The following ANKS1B variants were observed in gnomAD, a reference collection of about 807,000 sequenced individuals.
The protein encoded by ANKS1B is ankyrin repeat and sterile alpha motif domain-containing protein 1B.
In ANKS1B, 36 loss-of-function variants were observed where a neutral mutation model predicts 148.3. The observed-to-expected ratio is 0.24, with a 90% CI of 0.19 to 0.32. The LOEUF (loss-of-function observed/expected upper bound fraction) is 0.32, where lower values mean the gene tolerates loss of function less well. Ranked by LOEUF, ANKS1B falls within the 10% of genes least tolerant of loss-of-function variation. The probability of loss-of-function intolerance (pLI) is 1.00; values close to 1 mark genes in which losing one functional copy is unlikely to be tolerated. For synonymous variants in ANKS1B, 542 were observed against 560.8 expected (o/e 0.97, Z 0.47); for missense variants, 1,157 against 1,542.6 (o/e 0.75, Z 4.19).
chr12:99,749,296 T>A (rs2060884785), intron 8 of ANKS1B, among the ~76,000 whole-genome samples: 1 of 152,052 alleles, frequency 6.6e-6, no homozygotes, highest in African/African-American at 2.4e-5. Context: ...AAAGAAGCGC[T>A]TTTGGCCAGG....
chr12:99,356,763 G>A (rs1448555148), intron 12 of ANKS1B, among the ~76,000 whole-genome samples: 1 of 152,060 alleles, frequency 6.6e-6, no homozygotes. Flanking sequence ...TTAAACATGA[G>A]TTCCCTTTAA....
At position 98,829,698 on chromosome 12, in the gene ANKS1B, G is replaced by A. The variant is rs138795693; in HGVS notation, c.2887-345C>T. On this transcript the variant is annotated intron_variant, in intron 18 of 26. Coordinates refer to ENST00000683438, the MANE Select transcript of ANKS1B (RefSeq NM_001352186.2). This position sits in a 1 kb window ranked among gnomAD's most constrained non-coding sequence, Gnocchi z 5.2. ...AACTGGGCCCTCATGTGGGCAGAGCGTCCTCACCATGGTAGATGCCATGAT... is the reference window on the plus strand; with the variant it reads ...AACTGGGCCCTCATGTGGGCAGAGCATCCTCACCATGGTAGATGCCATGAT... Among the ~76,000 whole-genome samples, 31 of 152,278 alleles carry A rather than the reference G, an allele frequency of 2.0e-4. No individual in the cohort carries two copies. The highest frequency in any genetic ancestry group is 7.0e-4 in the African/African-American group (29 of 41,546).
intron 14 of ANKS1B, among the ~76,000 whole-genome samples, chr12:99,217,467 C>T (rs1443488433): frequency 6.6e-6 from 1 of 152,076 alleles, no homozygotes; most frequent in Non-Finnish European, 1.5e-5. Flanking sequence ...CCTGGATGTT[C>T]CATTATGTTT....
At chr12:99,074,760 AG>A (rs1177515216) in intron 16 of ANKS1B, among the ~76,000 whole-genome samples, 2 of 152,200 alleles carry the variant, frequency 1.3e-5, no homozygotes, top group Non-Finnish European at 2.9e-5. Context: ...AATATCTTTG[AG>A]CATCCTAACC....
At chr12:98,948,983 T>C (rs1284631892) in intron 17 of ANKS1B, among the ~76,000 whole-genome samples, 2 of 136,320 alleles carry the variant, frequency 1.5e-5, no homozygotes, top group Non-Finnish European at 3.1e-5. Context: ...GATGGAGTCT[T>C]GCTCTGTCGC....
At chr12:99,090,022 A>C (rs2053493737) in intron 15 of ANKS1B, among the ~76,000 whole-genome samples, 1 of 152,198 alleles carries the variant, frequency 6.6e-6, no homozygotes, top group African/African-American at 2.4e-5. Context: ...CATGGAATGG[A>C]AAAAGTCACC....
intron 9 of ANKS1B, among the ~76,000 whole-genome samples, chr12:99,569,642 G>A (rs1267927290): frequency 6.6e-6 from 1 of 152,142 alleles, no homozygotes; most frequent in Non-Finnish European, 1.5e-5. Context: ...GCTGCTAATG[G>A]AAAGCTCTTT....
At chr12:99,685,590 G>C (rs756485838) in intron 8 of ANKS1B, among the ~76,000 whole-genome samples, 3 of 152,014 alleles carry the variant, frequency 2.0e-5, no homozygotes, top group African/African-American at 7.2e-5. Context: ...TATCTACCCC[G>C]TGAAAAAGAA....
chr12:99,228,603 T>C (rs2153948812), intron 14 of ANKS1B, among the ~76,000 whole-genome samples: 1 of 152,126 alleles, frequency 6.6e-6, no homozygotes, highest in Non-Finnish European at 1.5e-5. Flanking sequence ...ATTGCAAAAC[T>C]TTTATCCATA....
intron 11 of ANKS1B, among the ~76,000 whole-genome samples, chr12:99,418,347 A>C (rs2094970239): frequency 6.6e-6 from 1 of 152,232 alleles, no homozygotes; most frequent in South Asian, 2.1e-4. Context: ...TAAAAGTGTT[A>C]GATTTATATC....
At chr12:99,631,278 CTGTTA>C (rs1460578300) in intron 9 of ANKS1B, among the ~76,000 whole-genome samples, 4 of 152,172 alleles carry the variant, frequency 2.6e-5, no homozygotes, top group African/African-American at 7.2e-5. Flanking sequence ...TTCAGGTATT[CTGTTA>C]TAAGTAACAG....
rs138892275 is a variant in ANKS1B at position 99,336,124 on chromosome 12, T to G, written c.1756+63507A>C. ...GCATATCTCTGATAACCAATAACGT[T>G]GAGAGCACCTTTTCTTATACCTCTC... On this transcript the variant is annotated intron_variant, in intron 12 of 26. Transcript: ENST00000683438. 2.0e-5 allele frequency among the ~76,000 whole-genome samples: 3 copies of G among 152,280 alleles called. No individual in the cohort carries two copies. In the East Asian group the frequency reaches 5.8e-4, roughly 29 times the overall value.
chr12:99,424,700 C>T (rs961445818), intron 11 of ANKS1B, among the ~76,000 whole-genome samples: 4 of 151,546 alleles, frequency 2.6e-5, no homozygotes, highest in African/African-American at 9.7e-5. Flanking sequence ...ATCTATCTGT[C>T]ATCTATCTGT....
chr12:98,900,057 T>G (rs1248272773), intron 17 of ANKS1B, among the ~76,000 whole-genome samples: 2 of 152,210 alleles, frequency 1.3e-5, no homozygotes, highest in Admixed American at 1.3e-4. Flanking sequence ...GCAAATTCAG[T>G]ATGAGGCCAG....
At position 99,494,732 on chromosome 12, in the gene ANKS1B, C is replaced by CAAAAAA. The variant is rs59115173; in HGVS notation, c.1438+9738_1438+9743dup. On this transcript the variant is annotated intron_variant, in intron 10 of 26. Transcript: ENST00000683438. The stretch of plus-strand genomic sequence containing the variant: ...TAGGTGACAGAGGGACACTCTGTCT[C>CAAAAAA]AAAAAAAAAAAAAAAAAAAAAAAGG... Among the ~76,000 whole-genome samples the CAAAAAA allele has an allele frequency of 2.1e-3, 116 of 55,952 alleles. 1 individual carries two copies. Among genetic ancestry groups the CAAAAAA allele is most frequent in the Non-Finnish European group, 2.5e-3 (78 of 31,494 alleles). The allele number at this position is 55,952 out of a possible 152,430, so 36.7% of individuals were successfully genotyped here.
intron 9 of ANKS1B, among the ~76,000 whole-genome samples, chr12:99,645,266 T>C (rs940870065): frequency 1.3e-5 from 2 of 152,196 alleles, no homozygotes; most frequent in Admixed American, 1.3e-4. Context: ...ATTTCAAACG[T>C]TGGTTCTTTT....
chr12:99,964,380 C>A (rs2095458335), intron 1 of ANKS1B, among the ~76,000 whole-genome samples: 1 of 152,242 alleles, frequency 6.6e-6, no homozygotes, highest in South Asian at 2.1e-4. Context: ...TCCACTTTCT[C>A]TTCCACTCCC....
intron 15 of ANKS1B, among the ~76,000 whole-genome samples, chr12:99,124,417 C>CGT (rs1491426061): frequency 3.5e-5 from 2 of 57,122 alleles, no homozygotes; most frequent in East Asian, 1.8e-3. Context: ...TATTTGTGTG[C>CGT]ATGTGTGTGT....
intron 1 of ANKS1B, among the ~76,000 whole-genome samples, chr12:99,829,183 A>G (rs987021437): frequency 1.3e-5 from 2 of 152,056 alleles, no homozygotes; most frequent in Admixed American, 6.5e-5. Flanking sequence ...CATTTTAAAA[A>G]TTATCAGAAC....
Sources: allele counts gnomAD v4.1 joint callset (sites outside exome capture counted in the v4.1 genomes callset), GRCh38; gene constraint gnomAD v4.1.1; non-coding constraint Gnocchi (gnomAD v3.1); transcripts MANE v1.5; gene names NCBI Gene and HGNC (gene_info 2026-07-23, HGNC 2026-07-21).